HOXA3: variants seen among roughly 807,000 people sequenced by gnomAD.
The protein encoded by HOXA3 is homeobox protein Hox-A3.
In HOXA3, 8 loss-of-function variants were observed where a neutral mutation model predicts 30.3. The ratio of observed to expected loss-of-function variants is 0.26; its 90% CI spans 0.15 to 0.48. HOXA3 has a LOEUF of 0.48. Among genes scored for constraint, HOXA3 ranks in the 20% least tolerant of loss-of-function variants. The pLI is 0.99. For synonymous variants in HOXA3, 323 were observed against 273.1 expected (o/e 1.18, Z -1.80); for missense variants, 653 against 614.4 (o/e 1.06, Z -0.66).
At chr7:27,114,854 T>TATATATATA (rs1465786832) in intron 4 of HOXA3, among the ~76,000 whole-genome samples, 1 of 102,596 alleles carries the variant, frequency 9.7e-6, no homozygotes, top group East Asian at 2.8e-4. Flanking sequence ...TAATATATAT[T>TATATATATA]ATATATATAA....
At chr7:27,119,170 G>GA (rs67380403) in intron 4 of HOXA3, among the ~76,000 whole-genome samples, 21 of 51,834 alleles carry the variant, frequency 4.1e-4, no homozygotes, top group East Asian at 1.4e-3. Context: ...AAAAAAATAA[G>GA]AAAAAAAAGA....
intron 2 of HOXA3, among the ~76,000 whole-genome samples, chr7:27,132,482 TA>T (rs1469816444): frequency 6.6e-6 from 1 of 152,190 alleles, no homozygotes; most frequent in Non-Finnish European, 1.5e-5. Flanking sequence ...GAAAAGAGGT[TA>T]AAAAGGGGAT....
At chr7:27,142,841 C>G (rs1782622740) in intron 1 of HOXA3, 2 of 533,232 alleles carry the variant, frequency 3.8e-6, no homozygotes, top group Admixed American at 7.8e-5. Context: ...AGAGAACGCC[C>G]ATTTCCCCCA....
intron 1 of HOXA3, chr7:27,142,055 G>A: frequency 6.2e-7 from 1 of 1,614,056 alleles, no homozygotes; most frequent in Middle Eastern, 1.6e-4. Context: ...GGCCGTCCGG[G>A]CCCTTTTGCC....
At chr7:27,148,026 C>G (rs945758157) in intron 1 of HOXA3, among the ~76,000 whole-genome samples, 2 of 152,276 alleles carry the variant, frequency 1.3e-5, no homozygotes, top group African/African-American at 2.4e-5. Context: ...CTAGCCGGCC[C>G]GGCTCTCTTC....
In HOXA3 at chr7:27,108,204, C is replaced by A; in HGVS notation, c.1043G>T (p.Gly348Val). 1 of 1,539,548 alleles carries A rather than the reference C, an allele frequency of 6.5e-7. No homozygotes were observed. The highest frequency in any genetic ancestry group is 2.0e-5 in the Admixed American group (1 of 49,448). ...GTPDYDPHAH[G>V]LQGNGSYGTP... ...CCCATAGCTGCCGTTGCCCTGCAGG[C>A]CATGAGCGTGCGGGTCATAGTCGGG... is the stretch of plus-strand genomic sequence containing the variant. Residue 348 changes from glycine to valine, a missense_variant, in exon 6 of 6, where the codon GGC (glycine) becomes GTC (valine). Around this residue, in one of 3 missense-constraint regions of HOXA3, gnomAD observed 330 missense variants for 274.4 expected, o/e 1.20. Coordinates refer to ENST00000612286, the MANE Select transcript of HOXA3 (RefSeq NM_153631.3). This position sits in a 1 kb window ranked among gnomAD's most constrained non-coding sequence, Gnocchi z 5.0.
At chr7:27,130,704 G>A in intron 2 of HOXA3, 5 of 1,608,418 alleles carry the variant, frequency 3.1e-6, no homozygotes, top group Non-Finnish European at 4.2e-6. Flanking sequence ...CGATGTAGTT[G>A]GAGTTTATCA....
At chr7:27,134,483 T>C (rs1353126913) in intron 2 of HOXA3, among the ~76,000 whole-genome samples, 2 of 152,246 alleles carry the variant, frequency 1.3e-5, no homozygotes, top group Non-Finnish European at 2.9e-5. Flanking sequence ...GAAGCTGACA[T>C]GTCTATAAGG....
chr7:27,144,103 G>A (rs1229583537), intron 1 of HOXA3, among the ~76,000 whole-genome samples: 1 of 152,262 alleles, frequency 6.6e-6, no homozygotes, highest in East Asian at 1.9e-4. Flanking sequence ...AGGATTGGGG[G>A]GAGGTGGTGA....
chr7:27,143,947 G>C (rs1343268617), intron 1 of HOXA3, among the ~76,000 whole-genome samples: 1 of 152,212 alleles, frequency 6.6e-6, no homozygotes, highest in Non-Finnish European at 1.5e-5. Flanking sequence ...TCATCGCCCA[G>C]CTTCCGACCG....
At position 27,110,763 on chromosome 7, in the gene HOXA3, G is replaced by A; in HGVS notation, c.-120-3C>T. The A allele has an allele frequency of 6.8e-7, 1 of 1,474,330 alleles. No homozygotes were observed. The highest frequency in any genetic ancestry group is 9.3e-7 in the Non-Finnish European group (1 of 1,080,588). The allele number at this position is 1,474,330 out of a possible 1,614,324, so 91.3% of individuals were successfully genotyped here. ...GCCAATGGCCGCCCCGCGCAGACCT[G>A]GTGGGGCGAGAAGCGCAGCGCGGTG... On this transcript the variant is annotated splice_polypyrimidine_tract_variant and splice_region_variant and intron_variant, in intron 4 of 5. Coordinates refer to ENST00000612286, the MANE Select transcript of HOXA3 (RefSeq NM_153631.3).
chr7:27,108,242 G>C lies in HOXA3; in HGVS notation c.1005C>G (p.Gly335=). ...PQKRYTAAGA[G]AGGTPDYDPH... ...GGTCATAGTCGGGGGTGCCCCCTGC[G>C]CCCGCCCCTGCCGCCGTGTAGCGCT... Residue 335 remains glycine, a synonymous_variant, in exon 6 of 6, where the codon GGC becomes GGG. Coordinates refer to ENST00000612286, the MANE Select transcript of HOXA3 (RefSeq NM_153631.3). The surrounding 1 kb of genome is among the most constrained non-coding windows in gnomAD (Gnocchi z 5.0). 1 of 1,516,682 alleles carries C rather than the reference G, an allele frequency of 6.6e-7. No individual in the cohort carries two copies. The allele number at this position is 1,516,682 out of a possible 1,614,324, so 94.0% of individuals were successfully genotyped here.
At chr7:27,132,393 A>G (rs1298932343) in intron 2 of HOXA3, among the ~76,000 whole-genome samples, 1 of 152,248 alleles carries the variant, frequency 6.6e-6, no homozygotes, top group Non-Finnish European at 1.5e-5. Flanking sequence ...ATGCTGGAAT[A>G]TATCCATTTG....
At chr7:27,140,817 C>T (rs1782540532) in intron 1 of HOXA3, among the ~76,000 whole-genome samples, 1 of 152,150 alleles carries the variant, frequency 6.6e-6, no homozygotes, top group Non-Finnish European at 1.5e-5. Context: ...ACTTGGTTTC[C>T]TCAGAGATGG....
At chr7:27,109,057 G>T (rs536821563) in intron 5 of HOXA3, among the ~76,000 whole-genome samples, 1 of 152,228 alleles carries the variant, frequency 6.6e-6, no homozygotes, top group East Asian at 1.9e-4. Context: ...GCCTCCCTGT[G>T]GGCCGGTCTC....
At chr7:27,143,166 C>T (rs1583407563) in intron 1 of HOXA3, 2 of 1,609,932 alleles carry the variant, frequency 1.2e-6, no homozygotes, top group Non-Finnish European at 1.7e-6. Context: ...TCCTCGGCTC[C>T]GGACGCCGTG....
At chr7:27,146,845 C>T (rs556102689) in intron 1 of HOXA3, among the ~76,000 whole-genome samples, 35 of 152,196 alleles carry the variant, frequency 2.3e-4, no homozygotes, top group Non-Finnish European at 3.8e-4. Context: ...TGGGGAGACA[C>T]TGGAAGAGGC....
intron 2 of HOXA3, among the ~76,000 whole-genome samples, chr7:27,139,712 C>G (rs1015967805): frequency 1.3e-5 from 2 of 152,166 alleles, no homozygotes; most frequent in Admixed American, 6.5e-5. Flanking sequence ...GGAGCTGGCC[C>G]CGGCCGGCCC....
chr7:27,130,227 C>T (rs1305409541), intron 2 of HOXA3: 1 of 1,418,280 alleles, frequency 7.1e-7, no homozygotes, highest in South Asian at 1.4e-5. Flanking sequence ...GGGCGCTGCC[C>T]CCTGCCGGGA....
Sources: allele counts gnomAD v4.1 joint callset (sites outside exome capture counted in the v4.1 genomes callset), GRCh38; gene constraint gnomAD v4.1.1; regional missense constraint gnomAD v4.1.1; non-coding constraint Gnocchi (gnomAD v3.1); transcripts MANE v1.5; gene names NCBI Gene and HGNC (gene_info 2026-07-23, HGNC 2026-07-21).